Variants in PP2D1 observed in about 807,000 individuals in gnomAD.
The protein encoded by PP2D1 is protein phosphatase 2C like domain containing 1.
A neutral mutation model predicts 30.2 loss-of-function variants in PP2D1; 25 were observed. The ratio of observed to expected loss-of-function variants is 0.83; its 90% CI spans 0.60 to 1.16. PP2D1 has a LOEUF of 1.16. Ranked by LOEUF, PP2D1 falls within the 50% of genes most tolerant of loss-of-function variation. The probability of loss-of-function intolerance (pLI) is 0.00; values close to 1 mark genes in which losing one functional copy is unlikely to be tolerated. For synonymous variants in PP2D1, 260 were observed against 258.9 expected (o/e 1.00, Z -0.04); for missense variants, 760 against 742.4 (o/e 1.02, Z -0.28).
At chr3:19,987,218 A>C (rs954171662) in intron 2 of PP2D1, among the ~76,000 whole-genome samples, 1 of 152,170 alleles carries the variant, frequency 6.6e-6, no homozygotes, top group African/African-American at 2.4e-5. Context: ...CAGTTTAAAC[A>C]TGATCTGAAC....
intron 2 of PP2D1, among the ~76,000 whole-genome samples, chr3:19,990,082 GCAC>G (rs1295682093): frequency 2.0e-5 from 3 of 151,982 alleles, no homozygotes; most frequent in Non-Finnish European, 4.4e-5. Context: ...TTTGGATTCA[GCAC>G]AATAAAATAT....
intron 2 of PP2D1, among the ~76,000 whole-genome samples, chr3:19,997,115 C>T (rs1051982896): frequency 6.6e-6 from 1 of 151,396 alleles, no homozygotes; most frequent in Non-Finnish European, 1.5e-5. Context: ...TTACCCCAAA[C>T]ATCATGTTGA....
chr3:19,985,956 A>G lies in PP2D1; in HGVS notation c.1317T>C (p.Ile439=). Residue 439 remains isoleucine, a synonymous_variant, in exon 3 of 3, where the codon ATT becomes ATC. Transcript: ENST00000389050. ...GACATAGGTCATCTATAGGGACAGAAATAGTTTGAGGTGCTGGGATAATGG... is the reference window on the plus strand; with the variant it reads ...GACATAGGTCATCTATAGGGACAGAGATAGTTTGAGGTGCTGGGATAATGG... ...KKSIIPAPQT[I]SVPIDDLCQF... is the part of the protein sequence containing the mutation. The G allele has an allele frequency of 3.3e-6, 5 of 1,536,310 alleles. No individual in the cohort carries two copies. Among genetic ancestry groups the G allele is most frequent in the Non-Finnish European group, 4.4e-6 (5 of 1,146,924 alleles).
intron 1 of PP2D1, among the ~76,000 whole-genome samples, chr3:20,011,171 G>A (rs939061801): frequency 1.3e-5 from 2 of 152,186 alleles, no homozygotes; most frequent in African/African-American, 4.8e-5. Flanking sequence ...GAAGGAGCAA[G>A]AGGACCCAGC....
chr3:19,983,791 CAACCAACCAGGAATCAGTGTTGTAGT>C, downstream of PP2D1: 1 of 1,611,088 alleles, frequency 6.2e-7, no homozygotes, highest in South Asian at 1.1e-5. Flanking sequence ...CGAACCCACA[CAACCAACCAGGAATCAGTGTTGTAGT>C]AACTAAACCT....
chr3:19,983,623 G>T (rs1021282687), downstream of PP2D1: 4 of 952,712 alleles, frequency 4.2e-6, no homozygotes, highest in Non-Finnish European at 6.6e-6. Context: ...TAACCTAACT[G>T]GAAAGAAAAA....
rs75537317 is a variant in PP2D1, at chr3:20,011,026, A to G, written c.23+1024T>C. Among the ~76,000 whole-genome samples, 1,505 of 152,146 alleles carry G rather than the reference A, an allele frequency of 9.9e-3. 14 individuals carry two copies. The highest frequency in any genetic ancestry group is 0.015 in the Non-Finnish European group (1,049 of 68,000). On this transcript the variant is annotated intron_variant, in intron 1 of 2. Transcript: ENST00000389050. Reference sequence around the variant, plus strand: ...GGACAAAGTCCCATTATTGTGCCCAACCGGGAACCTAGCCCTTCATCTGGC... The same window carrying G: ...GGACAAAGTCCCATTATTGTGCCCAGCCGGGAACCTAGCCCTTCATCTGGC...
At position 19,985,926 on chromosome 3, in the gene PP2D1, G is replaced by A. The variant is rs996964085; in HGVS notation, c.1347C>T (p.Phe449=). 4.2e-5 allele frequency: 65 copies of A among 1,536,252 alleles called. No individual in the cohort carries two copies. The highest frequency in any genetic ancestry group is 5.5e-5 in the Non-Finnish European group (63 of 1,146,958). The change falls in exon 3 of 3, where the codon TTC becomes TTT. Residue 449 remains phenylalanine (F), a synonymous_variant. Transcript: ENST00000389050. The part of the protein sequence containing the change: ...ISVPIDDLCQ[F]LIVATNGLWE... ...AAAGTCCATTAGTAGCTACAATAAG[G>A]AATTGACATAGGTCATCTATAGGGA... is the stretch of plus-strand genomic sequence containing the variant.
In PP2D1 at chr3:20,012,050, C is replaced by T; in HGVS notation, c.23G>A (p.Arg8Lys). 1 of 1,530,382 alleles carries T rather than the reference C, an allele frequency of 6.5e-7. No individual in the cohort carries two copies. The highest frequency in any genetic ancestry group is 1.2e-5 in the South Asian group (1 of 83,436). The allele number at this position is 1,530,382 out of a possible 1,614,324, so 94.8% of individuals were successfully genotyped here. Residue 8 changes from arginine to lysine, a missense_variant and splice_region_variant, in exon 1 of 3, where the codon AGA (arginine) becomes AAA (lysine). Transcript: ENST00000389050. ...CCAAAAAAGATTTAAGAAAGTTTAC[C>T]TTAAAGCATTATTGGTGCTCATGTT... MSTNNAL[R>K]VFWKSREWNM...
At chr3:19,996,252 A>G (rs545744904) in intron 2 of PP2D1, among the ~76,000 whole-genome samples, 6 of 152,132 alleles carry the variant, frequency 3.9e-5, no homozygotes, top group Non-Finnish European at 7.4e-5. Context: ...GAAAAAGGAG[A>G]CATTACAACA....
Position 20,001,062 on chromosome 3 carries a change from AT to A in PP2D1, c.1057del (p.Ile353Ter). The A allele has an allele frequency of 1.4e-6, 2 of 1,395,920 alleles. No homozygotes were observed. Among genetic ancestry groups the A allele is most frequent in the Non-Finnish European group, 1.9e-6 (2 of 1,076,756 alleles). 86.5% of individuals were successfully genotyped at this position (1,395,920 alleles called of 1,614,324 possible). ...ESSPSQEMPK[I>X]ISGILHVANT... ...TGCAACATGTAATATTCCAGAAATT[AT>A]TTTTGGCATCTCCTGGGAAGGGGAG... On this transcript the variant is annotated frameshift_variant, in exon 2 of 3. Transcript: ENST00000389050. LOFTEE classifies it low-confidence loss of function (END_TRUNC).
chr3:19,982,935 G>C (rs1396532533), downstream of PP2D1, among the ~76,000 whole-genome samples: 3 of 152,152 alleles, frequency 2.0e-5, no homozygotes, highest in African/African-American at 7.2e-5. Context: ...ATCCTGACTT[G>C]TTCTAAAAAA....
At chr3:19,998,750 A>T (rs947131975) in intron 2 of PP2D1, among the ~76,000 whole-genome samples, 2 of 152,208 alleles carry the variant, frequency 1.3e-5, no homozygotes, top group Non-Finnish European at 2.9e-5. Flanking sequence ...TGACATTGAT[A>T]TATTATGAAT....
chr3:20,002,218 T>C, intron 1 of PP2D1, 122 bp from the exon 2 acceptor site: 1 of 630,456 alleles, frequency 1.6e-6, no homozygotes, highest in Non-Finnish European at 2.7e-6. Flanking sequence ...TAGGATTAAA[T>C]ATTCTGAGTC....
At chr3:19,980,051 T>C (rs769467270) in exon 4 of PP2D1, 1 of 152,262 alleles carries the variant, frequency 6.6e-6, no homozygotes, top group Non-Finnish European at 1.5e-5. Flanking sequence ...CCTTTTCTCA[T>C]GTAAACTGTT....
At chr3:19,984,659 A>AT (rs1696998467), downstream of PP2D1, 1 of 157,152 alleles carries the variant, frequency 6.4e-6, no homozygotes, top group Non-Finnish European at 1.4e-5. Context: ...CAATGCACTA[A>AT]CAATTATGTA....
At chr3:20,009,797 T>C (rs1312679212) in intron 1 of PP2D1, among the ~76,000 whole-genome samples, 2 of 152,224 alleles carry the variant, frequency 1.3e-5, no homozygotes, top group Non-Finnish European at 2.9e-5. Flanking sequence ...TGAAATGTTT[T>C]GCCACTTTAT....
rs1397686360 is a variant in PP2D1, at chr3:19,985,982, A to G, written c.1291T>C (p.Ser431Pro). ...ATAGTTTGAGGTGCTGGGATAATGG[A>G]TTTTTTCAGCTTGAGATTTCCATGA... ...GFHGNLKLKK[S>P]IIPAPQTISV... is the part of the protein sequence containing the mutation. Residue 431 changes from serine to proline, a missense_variant, in exon 3 of 3, where the codon TCC becomes CCC. Ser to Pro is a moderately conservative substitution (Grantham distance 74). Transcript: ENST00000389050. 6.5e-7 allele frequency: 1 copy of G among 1,535,960 alleles called. No homozygotes were observed. Among genetic ancestry groups the G allele is most frequent in the Non-Finnish European group, 8.7e-7 (1 of 1,146,824 alleles).
chr3:19,999,299 C>T (rs929258905), intron 2 of PP2D1, among the ~76,000 whole-genome samples: 2 of 152,030 alleles, frequency 1.3e-5, no homozygotes, highest in African/African-American at 2.4e-5. Flanking sequence ...AGGATGGTCT[C>T]GATCTCCTGA....
Sources: allele counts gnomAD v4.1 joint callset (sites outside exome capture counted in the v4.1 genomes callset), GRCh38; gene constraint gnomAD v4.1.1; transcripts MANE v1.5; gene names NCBI Gene and HGNC (gene_info 2026-07-23, HGNC 2026-07-21).